Variants in A1CF observed in about 807,000 individuals in gnomAD.
The protein encoded by A1CF is APOBEC1 complementation factor, also known as APOBEC-1 stimulating protein.
A1CF carries 48 observed loss-of-function variants against 68.9 expected under a neutral mutation model. The observed-to-expected ratio is 0.70, with a 90% confidence interval of 0.55 to 0.89. The LOEUF (loss-of-function observed/expected upper bound fraction) is 0.89. Ranked by LOEUF, A1CF falls within the 40% of genes least tolerant of loss-of-function variation. A1CF has a pLI of 0.00. For synonymous variants in A1CF, 272 were observed against 260.4 expected, an observed-to-expected ratio of 1.04 and a Z score of -0.43; for missense variants, 653 against 718.9, an observed-to-expected ratio of 0.91 and a Z score of 1.05.
chr10:50,884,117 C>T (rs1015209320), intron 1 of A1CF, among the ~76,000 whole-genome samples: 7 of 152,164 alleles, frequency 4.6e-5, no homozygotes, highest in African/African-American at 1.7e-4. Context: ...AATGGAGTTG[C>T]TTTTCTTTTG....
Position 50,800,262 on chromosome 10 carries a change from C to T in A1CF, c.*6467G>A, listed in dbSNP as rs1232929080. On this transcript the variant is annotated 3_prime_UTR_variant, in exon 13 of 13. Transcript: ENST00000373997. ...ATTCTCCTTCTGGACCTCTAACTAA[C>T]CTTTTTCTCCTTCTATTTTTGCATA... 6.6e-6 allele frequency: 1 copy of T among 152,110 alleles called. No individual in the cohort carries two copies. Among genetic ancestry groups the T allele is most frequent in the African/African-American group, 2.4e-5 (1 of 41,430 alleles). 9.4% of individuals were successfully genotyped at this position (152,110 alleles called of 1,614,324 possible). A position where few individuals can be genotyped will look rare whatever the true frequency, so the allele number is the denominator to read the frequency against.
At position 50,844,022 on chromosome 10, in the gene A1CF, AG is replaced by A. The variant is rs751681831; in HGVS notation, c.199del (p.Leu67PhefsTer19). Reference protein sequence around the residue: ...EIFIGKLPRDLFEDELIPLCE... With the variant: ...EIFIGKLPRDXFEDELIPLCE... ...TAATGGTATAAGCTCATCCTCAAAA[AG>A]GTCTCGGGGAAGTTTTCCAATAAAA... On this transcript the variant is annotated frameshift_variant, in exon 4 of 13. Transcript: ENST00000373997. LOFTEE classifies it high-confidence loss of function. 1.9e-6 allele frequency: 3 copies of A among 1,613,818 alleles called. No individual in the cohort carries two copies. The highest frequency in any genetic ancestry group is 1.3e-5 in the African/African-American group (1 of 74,916).
intron 1 of A1CF, among the ~76,000 whole-genome samples, chr10:50,870,202 G>C (rs1231554090): frequency 2.0e-5 from 3 of 151,776 alleles, no homozygotes; most frequent in Non-Finnish European, 3.0e-5. Context: ...ATGTACACTA[G>C]ATTTTTGTAA....
chr10:50,830,553 T>G (rs575248375), intron 6 of A1CF, among the ~76,000 whole-genome samples: 9 of 152,050 alleles, frequency 5.9e-5, no homozygotes, highest in African/African-American at 2.2e-4. Flanking sequence ...TAGAAATAAA[T>G]TTAACCAACA....
chr10:50,830,126 T>C (rs186834344), intron 6 of A1CF, among the ~76,000 whole-genome samples: 11 of 152,310 alleles, frequency 7.2e-5, no homozygotes, highest in Non-Finnish European at 5.9e-5. Flanking sequence ...TACAATAGAT[T>C]TGCAGAAATT....
Position 50,815,865 on chromosome 10 carries a change from A to G in A1CF, c.1141+141T>C, listed in dbSNP as rs1838340052. Reference sequence around the variant, plus strand: ...AAAAGATTCCTATTAAAGGAAAACTATTGATATAATAGTTGATTTTTAATA... The same window carrying G: ...AAAAGATTCCTATTAAAGGAAAACTGTTGATATAATAGTTGATTTTTAATA... On this transcript the variant is annotated intron_variant, in intron 9 of 12. Transcript: ENST00000373997. The G allele has an allele frequency of 5.2e-6, 5 of 969,816 alleles. No individual in the cohort carries two copies. In the Middle Eastern group the frequency reaches 7.7e-4, roughly 149 times the overall value. 60.1% of individuals were successfully genotyped at this position (969,816 alleles called of 1,614,324 possible).
chr10:50,845,708 C>T (rs1839968184), intron 3 of A1CF, among the ~76,000 whole-genome samples: 1 of 152,170 alleles, frequency 6.6e-6, no homozygotes, highest in Non-Finnish European at 1.5e-5. Flanking sequence ...AATCCCAGCA[C>T]TTTGGGAGGC....
intron 1 of A1CF, among the ~76,000 whole-genome samples, chr10:50,885,109 A>G (rs1258531385): frequency 6.6e-6 from 1 of 152,220 alleles, no homozygotes; most frequent in Non-Finnish European, 1.5e-5. Context: ...TTATGGTGGT[A>G]GTAGCTCTGG....
At chr10:50,845,281 G>GA (rs902760223) in intron 3 of A1CF, among the ~76,000 whole-genome samples, 31 of 151,820 alleles carry the variant, frequency 2.0e-4, no homozygotes, top group African/African-American at 7.3e-4. Flanking sequence ...TATGCTTATA[G>GA]AAAAAAACCC....
At chr10:50,881,495 G>A (rs529506153) in intron 1 of A1CF, among the ~76,000 whole-genome samples, 1 of 152,200 alleles carries the variant, frequency 6.6e-6, no homozygotes, top group African/African-American at 2.4e-5. Context: ...TAAGAAATTT[G>A]CCATTAAAAA....
chr10:50,852,630 T>G lies in A1CF; in HGVS notation c.99+7212A>C, dbSNP rs560321009. Among the ~76,000 whole-genome samples the G allele has an allele frequency of 3.9e-5, 6 of 152,240 alleles. No individual in the cohort carries two copies. In the South Asian group the frequency reaches 1.2e-3, roughly 32 times the overall value. The stretch of plus-strand genomic sequence containing the variant: ...GGATAGCAGGGATGTGAGCAGGTGG[T>G]GAAAACAGGCAATAGAGGAAAAAGT... On this transcript the variant is annotated intron_variant, in intron 3 of 12. Coordinates refer to ENST00000373997, the MANE Select transcript of A1CF (RefSeq NM_014576.4).
At chr10:50,873,068 G>T (rs991915444) in intron 1 of A1CF, among the ~76,000 whole-genome samples, 151 of 139,678 alleles carry the variant, frequency 1.1e-3, no homozygotes, top group African/African-American at 3.8e-3. Flanking sequence ...AAATTCTCCT[G>T]CCTCAGCCTC....
intron 8 of A1CF, among the ~76,000 whole-genome samples, chr10:50,819,492 C>T (rs780423163): frequency 6.6e-6 from 1 of 152,168 alleles, no homozygotes; most frequent in Non-Finnish European, 1.5e-5. Context: ...TCTCCAGCCC[C>T]TTGTACCTTT....
At chr10:50,852,954 AT>A (rs2132498987) in intron 3 of A1CF, among the ~76,000 whole-genome samples, 1 of 152,316 alleles carries the variant, frequency 6.6e-6, no homozygotes, top group South Asian at 2.1e-4. Flanking sequence ...GAGGAACGGT[AT>A]TCTAATTAGA....
intron 1 of A1CF, among the ~76,000 whole-genome samples, chr10:50,864,554 A>G (rs1268685435): frequency 6.6e-6 from 1 of 152,066 alleles, no homozygotes; most frequent in Non-Finnish European, 1.5e-5. Context: ...TTTTATTAGC[A>G]ATGGAACACT....
At chr10:50,861,127 T>C (rs1349141690) in intron 2 of A1CF, among the ~76,000 whole-genome samples, 1 of 152,162 alleles carries the variant, frequency 6.6e-6, no homozygotes, top group Admixed American at 6.5e-5. Context: ...ATTAATAATA[T>C]AAGAAACTGG....
intron 1 of A1CF, among the ~76,000 whole-genome samples, chr10:50,873,299 T>C (rs1423970058): frequency 2.0e-5 from 3 of 152,068 alleles, no homozygotes; most frequent in Admixed American, 6.6e-5. Context: ...CACTGATCTT[T>C]AGTTCTTCTG....
At chr10:50,837,541 C>A (rs1013004774) in intron 5 of A1CF, among the ~76,000 whole-genome samples, 3 of 152,182 alleles carry the variant, frequency 2.0e-5, no homozygotes, top group Non-Finnish European at 2.9e-5. Flanking sequence ...TGGAAATGAG[C>A]AAAATACCTC....
chr10:50,853,784 G>A (rs1384001309), intron 3 of A1CF, among the ~76,000 whole-genome samples: 1 of 144,364 alleles, frequency 6.9e-6, no homozygotes. Flanking sequence ...CCAAATAGTT[G>A]ATATTTTAGG....
Sources: gnomAD v4.1 joint callset for allele counts (sites outside exome capture counted in the v4.1 genomes callset) on GRCh38, gnomAD v4.1.1 for gene constraint, MANE v1.5 for transcripts, NCBI Gene and HGNC (gene_info 2026-07-23, HGNC 2026-07-21) for gene names.